Variants in NHS observed in about 807,000 individuals in gnomAD.
NHS encodes NHS actin remodeling regulator, also known as actin remodeling regulator NHS.
In NHS, 5 loss-of-function variants were observed where a neutral mutation model predicts 72.5. The observed-to-expected ratio is 0.07, with a 90% CI of 0.04 to 0.14. The LOEUF is 0.14. Among genes scored for constraint, NHS ranks in the 10% least tolerant of loss-of-function variants. The probability of loss-of-function intolerance (pLI) is 1.00; values close to 1 mark genes in which losing one functional copy is unlikely to be tolerated. For synonymous variants in NHS, 464 were observed against 547.7 expected (o/e 0.85, Z 2.13); for missense variants, 1,072 against 1,355.7 (o/e 0.79, Z 3.29).
At chrX:17,640,823 C>T (rs187595486) in intron 1 of NHS, among the ~76,000 whole-genome samples, 1,619 of 112,364 alleles carry the variant, frequency 0.014, 16 homozygotes, top group Middle Eastern at 0.033. Flanking sequence ...GCCAGGGGCA[C>T]ACATCAACAG....
intron 1 of NHS, among the ~76,000 whole-genome samples, chrX:17,642,167 C>A (rs1446504887): frequency 8.9e-6 from 1 of 111,991 alleles, no homozygotes; most frequent in Admixed American, 9.4e-5. Flanking sequence ...AGGATGGTCT[C>A]GATCTCCTGA....
intron 1 of NHS, among the ~76,000 whole-genome samples, chrX:17,650,496 A>C (rs2065925789): frequency 8.9e-6 from 1 of 112,256 alleles, no homozygotes; most frequent in Admixed American, 9.4e-5. Context: ...CAGACTGTCA[A>C]AGTATTTGGG....
intron 1 of NHS, among the ~76,000 whole-genome samples, chrX:17,570,150 G>A (rs767893716): frequency 1.1e-3 from 118 of 111,811 alleles, no homozygotes; most frequent in African/African-American, 3.6e-3. Flanking sequence ...TTGGCTATGT[G>A]GGCTCTTTTT....
At chrX:17,728,379 C>G in intron 7 of NHS, 51 bp downstream of exon 7, 1 of 1,127,933 alleles carries the variant, frequency 8.9e-7, no homozygotes, top group African/African-American at 1.8e-5. Context: ...ATGGCACTTC[C>G]TGGAATTTTT....
intron 1 of NHS, chrX:17,635,496 C>G: frequency 8.6e-7 from 1 of 1,167,686 alleles, no homozygotes; most frequent in Non-Finnish European, 1.1e-6. Context: ...GCTTTCAGCT[C>G]TCTGGCATTC....
intron 1 of NHS, among the ~76,000 whole-genome samples, chrX:17,614,091 G>A (rs190248329): frequency 8.2e-4 from 92 of 111,943 alleles, no homozygotes; most frequent in Non-Finnish European, 1.6e-3. Context: ...CTGGGGAGGT[G>A]GTGTTAAAGT....
At chrX:17,554,130 C>T (rs774489423) in intron 1 of NHS, among the ~76,000 whole-genome samples, 12 of 112,414 alleles carry the variant, frequency 1.1e-4, no homozygotes, top group African/African-American at 3.9e-4. Flanking sequence ...AGTCAGCTCT[C>T]TGCAGCGCAG....
chrX:17,500,970 A>G (rs181400140), intron 1 of NHS, among the ~76,000 whole-genome samples: 2 of 111,409 alleles, frequency 1.8e-5, no homozygotes, highest in East Asian at 5.6e-4. Flanking sequence ...TAAATACTCA[A>G]TAAGTGACAT....
At chrX:17,582,429 G>A (rs1251547350) in intron 1 of NHS, among the ~76,000 whole-genome samples, 1 of 112,383 alleles carries the variant, frequency 8.9e-6, no homozygotes, top group African/African-American at 3.2e-5. Flanking sequence ...GCAAGGTTGT[G>A]TAGCAGGGTT....
intron 1 of NHS, among the ~76,000 whole-genome samples, chrX:17,489,497 TTGTTG>T (rs2064981070): frequency 1.8e-5 from 2 of 111,758 alleles, no homozygotes; most frequent in Non-Finnish European, 3.8e-5. Context: ...GTTGTTGTTG[TTGTTG>T]TTTGAGATGG....
chrX:17,556,006 G>T (rs2065370098), intron 1 of NHS, among the ~76,000 whole-genome samples: 1 of 112,713 alleles, frequency 8.9e-6, no homozygotes, highest in African/African-American at 3.2e-5. Flanking sequence ...AAAATGTGTT[G>T]CTGGCAAGAG....
intron 1 of NHS, among the ~76,000 whole-genome samples, chrX:17,516,404 G>A (rs187181995): frequency 3.6e-5 from 4 of 111,138 alleles, no homozygotes; most frequent in Admixed American, 1.9e-4. Context: ...GTCAGAGAGA[G>A]GCCTTAAATG....
chrX:17,655,598 C>T (rs1601820198), intron 1 of NHS, among the ~76,000 whole-genome samples: 1 of 112,649 alleles, frequency 8.9e-6, no homozygotes, highest in African/African-American at 3.2e-5. Flanking sequence ...CAGAGCCAGG[C>T]GGCTGTCCGT....
At chrX:17,656,402 G>A (rs1329790100) in intron 1 of NHS, among the ~76,000 whole-genome samples, 1 of 112,786 alleles carries the variant, frequency 8.9e-6, no homozygotes, top group Non-Finnish European at 1.9e-5. Context: ...GAGGGGGTAT[G>A]GGCAAGTGAC....
chrX:17,381,637 C>T (rs768453149), intron 1 of NHS, among the ~76,000 whole-genome samples: 1 of 112,630 alleles, frequency 8.9e-6, no homozygotes, highest in African/African-American at 3.2e-5. Flanking sequence ...TGTTCATTCT[C>T]ATTGCTGAAT....
Position 17,639,825 on chromosome X carries a change from C to A in NHS, c.566-47917C>A, listed in dbSNP as rs747883793. Among the ~76,000 whole-genome samples, 3 of 111,956 alleles carry A rather than the reference C, an allele frequency of 2.7e-5. No individual in the cohort carries two copies. The East Asian group carries it at 8.4e-4, about 31-fold the overall frequency. On this transcript the variant is annotated intron_variant, in intron 1 of 8. Transcript: ENST00000676302. ...CAGGAGAATACTGACCCATGAACAT[C>A]AGAAAGGCTAAACACAGTGCCTTTA...
intron 1 of NHS, among the ~76,000 whole-genome samples, chrX:17,595,920 A>G (rs2065622207): frequency 8.9e-6 from 1 of 111,893 alleles, no homozygotes; most frequent in Non-Finnish European, 1.9e-5. Context: ...AATAGCGGAA[A>G]AGTGAATTTA....
At chrX:17,433,032 T>C (rs1261013829) in intron 1 of NHS, among the ~76,000 whole-genome samples, 1 of 109,653 alleles carries the variant, frequency 9.1e-6, no homozygotes, top group African/African-American at 3.3e-5. Context: ...TTATTTTTGC[T>C]CCCCCTTTTT....
intron 1 of NHS, among the ~76,000 whole-genome samples, chrX:17,643,293 T>C (rs1264005364): frequency 3.6e-5 from 4 of 111,578 alleles, no homozygotes; most frequent in Non-Finnish European, 7.5e-5. Flanking sequence ...TCTTTCTTTC[T>C]TTCTTTTTTT....
Sources: gnomAD v4.1 joint callset for allele counts (sites outside exome capture counted in the v4.1 genomes callset) on GRCh38, gnomAD v4.1.1 for gene constraint, MANE v1.5 for transcripts, NCBI Gene and HGNC (gene_info 2026-07-23, HGNC 2026-07-21) for gene names.